The following CAMK4 variants were observed in gnomAD, a reference collection of about 807,000 sequenced individuals.
CAMK4 encodes the protein calcium/calmodulin-dependent protein kinase type IV.
Under a neutral mutation model 44.9 loss-of-function variants are expected in CAMK4, and 22 were observed. That is an observed-to-expected ratio of 0.49 (90% CI 0.35 to 0.70). The LOEUF is 0.70. Ranked by LOEUF, CAMK4 falls within the 30% of genes least tolerant of loss-of-function variation. The probability of loss-of-function intolerance (pLI) is 0.01; values close to 1 mark genes in which losing one functional copy is unlikely to be tolerated. For synonymous variants in CAMK4, 218 were observed against 215.4 expected (o/e 1.01, Z -0.11); for missense variants, 498 against 586.8 (o/e 0.85, Z 1.56).
At chr5:111,329,392 A>T (rs1370162242) in intron 1 of CAMK4, among the ~76,000 whole-genome samples, 1 of 151,896 alleles carries the variant, frequency 6.6e-6, no homozygotes, top group Non-Finnish European at 1.5e-5. Context: ...ATCAGGCTGG[A>T]GAAGGAAATA....
At position 111,314,301 on chromosome 5, in the gene CAMK4, G is replaced by C. The variant is rs879105940; in HGVS notation, c.162-29723G>C. Among the ~76,000 whole-genome samples the C allele has an allele frequency of 9.9e-5, 15 of 151,910 alleles. 1 individual carries two copies. Among genetic ancestry groups the C allele is most frequent in the Admixed American group, 5.3e-4 (8 of 15,218 alleles). On this transcript the variant is annotated intron_variant, in intron 1 of 10. Transcript: ENST00000282356. The stretch of plus-strand genomic sequence containing the variant: ...CCATCATTGTTCAAATCCAGATAAG[G>C]CTTGACCAACAGCATATCCATATAA...
At chr5:111,398,026 G>A (rs1247362073) in intron 5 of CAMK4, among the ~76,000 whole-genome samples, 1 of 152,054 alleles carries the variant, frequency 6.6e-6, no homozygotes, top group Non-Finnish European at 1.5e-5. Context: ...AGGCTACAGA[G>A]GTGTGTAAAG....
At chr5:111,457,760 G>A (rs886384155) in intron 7 of CAMK4, among the ~76,000 whole-genome samples, 2 of 152,078 alleles carry the variant, frequency 1.3e-5, no homozygotes, top group African/African-American at 4.8e-5. Flanking sequence ...TTCACAAAAG[G>A]CATAGTGTTT....
intron 1 of CAMK4, among the ~76,000 whole-genome samples, chr5:111,341,962 A>G (rs1490357766): frequency 6.6e-6 from 1 of 151,538 alleles, no homozygotes; most frequent in East Asian, 1.9e-4. Flanking sequence ...TATGAAACAC[A>G]TGCAAAAAAC....
chr5:111,411,284 A>C (rs1462064696), intron 5 of CAMK4, among the ~76,000 whole-genome samples: 2 of 152,174 alleles, frequency 1.3e-5, no homozygotes, highest in African/African-American at 2.4e-5. Flanking sequence ...AGTCTGTTTC[A>C]AATCCTTTTT....
chr5:111,451,024 A>T (rs1897528), intron 7 of CAMK4, among the ~76,000 whole-genome samples: 60,167 of 151,970 alleles, frequency 0.4, 12,198 homozygotes, highest in Middle Eastern at 0.51. Context: ...AAAATCAGAT[A>T]GGCGAAGTGC....
chr5:111,458,832 T>G (rs1331613169), intron 7 of CAMK4, among the ~76,000 whole-genome samples: 1 of 152,046 alleles, frequency 6.6e-6, no homozygotes, highest in East Asian at 1.9e-4. Context: ...ACACCAGGTG[T>G]CTTTAAAGTC....
chr5:111,464,707 G>A (rs1267422541), intron 7 of CAMK4, among the ~76,000 whole-genome samples: 1 of 152,160 alleles, frequency 6.6e-6, no homozygotes, highest in Non-Finnish European at 1.5e-5. Flanking sequence ...GAGGACAGTG[G>A]GGACAATCTC....
chr5:111,239,106 G>C (rs1748876203), intron 1 of CAMK4, among the ~76,000 whole-genome samples: 2 of 152,032 alleles, frequency 1.3e-5, no homozygotes, highest in Non-Finnish European at 2.9e-5. Context: ...AGTATCATAT[G>C]TTTTCATCAG....
At chr5:111,339,792 T>G (rs1749562380) in intron 1 of CAMK4, among the ~76,000 whole-genome samples, 1 of 151,378 alleles carries the variant, frequency 6.6e-6, no homozygotes, top group Non-Finnish European at 1.5e-5. Flanking sequence ...GGGATTATAT[T>G]GAATCTGTAG....
chr5:111,429,213 A>G (rs1056152498), intron 5 of CAMK4, among the ~76,000 whole-genome samples: 2 of 152,206 alleles, frequency 1.3e-5, no homozygotes, highest in African/African-American at 4.8e-5. Context: ...TGTTTCTTTG[A>G]AAAAATAAAC....
intron 1 of CAMK4, among the ~76,000 whole-genome samples, chr5:111,232,064 C>A (rs908103030): frequency 6.6e-6 from 1 of 152,066 alleles, no homozygotes; most frequent in Non-Finnish European, 1.5e-5. Flanking sequence ...TAATTCCATG[C>A]GTTTGTGCTA....
chr5:111,312,334 A>G (rs1018668680), intron 1 of CAMK4, among the ~76,000 whole-genome samples: 1 of 152,188 alleles, frequency 6.6e-6, no homozygotes, highest in African/African-American at 2.4e-5. Flanking sequence ...TTTACCTCTT[A>G]TTAATTGTAT....
At chr5:111,368,691 G>T (rs1396421691) in intron 2 of CAMK4, among the ~76,000 whole-genome samples, 1 of 152,006 alleles carries the variant, frequency 6.6e-6, no homozygotes, top group Non-Finnish European at 1.5e-5. Flanking sequence ...ACCCTCTGCT[G>T]GTTTCCTTGG....
At chr5:111,437,114 G>A (rs1014534730) in intron 5 of CAMK4, among the ~76,000 whole-genome samples, 1 of 152,126 alleles carries the variant, frequency 6.6e-6, no homozygotes, top group African/African-American at 2.4e-5. Context: ...GCACCACTGA[G>A]GTGACTAAGT....
At chr5:111,257,404 A>T (rs1749788437) in intron 1 of CAMK4, among the ~76,000 whole-genome samples, 1 of 152,230 alleles carries the variant, frequency 6.6e-6, no homozygotes, top group South Asian at 2.1e-4. Context: ...AAAGCTCAAT[A>T]TCACTGATCA....
chr5:111,358,401 G>C (rs1345736714), intron 2 of CAMK4, among the ~76,000 whole-genome samples: 1 of 151,908 alleles, frequency 6.6e-6, no homozygotes, highest in Non-Finnish European at 1.5e-5. Context: ...CCTTCCTACT[G>C]TGAGAATATG....
At chr5:111,334,990 T>G (rs1749337502) in intron 1 of CAMK4, among the ~76,000 whole-genome samples, 1 of 151,394 alleles carries the variant, frequency 6.6e-6, no homozygotes, top group Non-Finnish European at 1.5e-5. Flanking sequence ...CGTGACCTAA[T>G]AACCTCAGCA....
Position 111,485,633 on chromosome 5 carries a change from C to T in CAMK4, c.*1167C>T, listed in dbSNP as rs1755585963. On this transcript the variant is annotated 3_prime_UTR_variant, in exon 11 of 11. Coordinates refer to ENST00000282356, the MANE Select transcript of CAMK4 (RefSeq NM_001744.6). ...CTCGTATTTGGAATGAAAGTACCCACATTTTACAATGTAGTGTTGAGAATG... is the reference window on the plus strand; with the variant it reads ...CTCGTATTTGGAATGAAAGTACCCATATTTTACAATGTAGTGTTGAGAATG... 1 of 152,096 alleles carries T rather than the reference C, an allele frequency of 6.6e-6. No homozygotes were observed. Among genetic ancestry groups the T allele is most frequent in the African/African-American group, 2.4e-5 (1 of 41,438 alleles). 9.4% of individuals were successfully genotyped at this position (152,096 alleles called of 1,614,324 possible). A position where few individuals can be genotyped will look rare whatever the true frequency, so the allele number is the denominator to read the frequency against.
Sources: gnomAD v4.1 joint callset for allele counts (sites outside exome capture counted in the v4.1 genomes callset) on GRCh38, gnomAD v4.1.1 for gene constraint, MANE v1.5 for transcripts, NCBI Gene and HGNC (gene_info 2026-07-23, HGNC 2026-07-21) for gene names.